WDR70: variants seen among roughly 807,000 people sequenced by gnomAD.
The protein encoded by WDR70 is WD repeat-containing protein 70.
In WDR70, 53 loss-of-function variants were observed where a neutral mutation model predicts 88.6. That is an observed-to-expected ratio of 0.60 (90% CI 0.48 to 0.75). The LOEUF (loss-of-function observed/expected upper bound fraction) is 0.75. WDR70 is among the 30% of genes least tolerant of loss of function. WDR70 has a pLI of 0.00. For missense variants in WDR70, 610 were observed against 823.2 expected, an observed-to-expected ratio of 0.74 and a Z score of 3.17; for synonymous variants, 280 against 270.0, an observed-to-expected ratio of 1.04 and a Z score of -0.36.
chr5:37,624,483 T>C (rs1744610665), intron 10 of WDR70, among the ~76,000 whole-genome samples: 1 of 152,144 alleles, frequency 6.6e-6, no homozygotes, highest in African/African-American at 2.4e-5. Context: ...CTGTTGTGAA[T>C]AGGGCAGCAG....
chr5:37,658,055 G>A lies in WDR70; in HGVS notation c.1093-39600G>A, dbSNP rs140956899. Among the ~76,000 whole-genome samples, 827 of 152,144 alleles carry A rather than the reference G, an allele frequency of 5.4e-3. 4 individuals are homozygous for A. Among genetic ancestry groups the A allele is most frequent in the Non-Finnish European group, 9.5e-3 (648 of 67,994 alleles). ...AAAGAAGTAAAGTAAGTAAAGTAAA[G>A]TAAGCTAAATGTTACTGTCATTAAG... On this transcript the variant is annotated intron_variant, in intron 10 of 17. Transcript: ENST00000265107.
intron 9 of WDR70, among the ~76,000 whole-genome samples, chr5:37,604,707 C>T (rs925531004): frequency 2.0e-5 from 3 of 152,122 alleles, no homozygotes; most frequent in Non-Finnish European, 4.4e-5. Context: ...TTACAAATAC[C>T]TGCCTATATA....
chr5:37,423,337 T>C (rs1436194111), intron 5 of WDR70, among the ~76,000 whole-genome samples: 2 of 147,670 alleles, frequency 1.4e-5, no homozygotes, highest in Non-Finnish European at 3.0e-5. Flanking sequence ...GGAGTGTTCA[T>C]GGCCAGTATA....
intron 5 of WDR70, among the ~76,000 whole-genome samples, chr5:37,428,920 G>A (rs983963076): frequency 6.6e-6 from 1 of 152,186 alleles, no homozygotes. Context: ...TGGTATTGTT[G>A]ATAATTTTAA....
chr5:37,674,314 T>C (rs1746130203), intron 10 of WDR70, among the ~76,000 whole-genome samples: 1 of 152,102 alleles, frequency 6.6e-6, no homozygotes, highest in Admixed American at 6.5e-5. Flanking sequence ...ACATGTGCCA[T>C]GCTGGTGTGC....
At chr5:37,591,085 C>T (rs531944758) in intron 9 of WDR70, among the ~76,000 whole-genome samples, 1 of 152,292 alleles carries the variant, frequency 6.6e-6, no homozygotes, top group South Asian at 2.1e-4. Context: ...CCTGTAATTG[C>T]ACTCTGGGAG....
At chr5:37,570,589 C>T (rs1742872675) in intron 9 of WDR70, among the ~76,000 whole-genome samples, 1 of 151,958 alleles carries the variant, frequency 6.6e-6, no homozygotes, top group Non-Finnish European at 1.5e-5. Context: ...AAGAAGAGTC[C>T]ACAGAGTGCT....
chr5:37,545,834 T>C (rs965084238), intron 9 of WDR70, among the ~76,000 whole-genome samples: 1 of 152,172 alleles, frequency 6.6e-6, no homozygotes, highest in Non-Finnish European at 1.5e-5. Context: ...AAGGGTGCTT[T>C]TTAGTAATTA....
chr5:37,735,419 T>A (rs1296521950), intron 17 of WDR70, among the ~76,000 whole-genome samples: 2 of 152,160 alleles, frequency 1.3e-5, no homozygotes, highest in Non-Finnish European at 2.9e-5. Context: ...CTTAGAGATC[T>A]GCAATTAACA....
chr5:37,411,641 A>C (rs972467570), intron 5 of WDR70, among the ~76,000 whole-genome samples: 2 of 152,096 alleles, frequency 1.3e-5, no homozygotes, highest in Non-Finnish European at 2.9e-5. Context: ...CATGAGAATC[A>C]CTTGAACCTG....
chr5:37,516,088 T>A (rs1740877421), intron 8 of WDR70, among the ~76,000 whole-genome samples: 1 of 152,234 alleles, frequency 6.6e-6, no homozygotes, highest in East Asian at 1.9e-4. Context: ...TCCCTTCCAA[T>A]CTCTTGCCTT....
At chr5:37,578,072 A>G (rs552166161) in intron 9 of WDR70, among the ~76,000 whole-genome samples, 1 of 152,316 alleles carries the variant, frequency 6.6e-6, no homozygotes, top group East Asian at 1.9e-4. Flanking sequence ...AAGGATGTGC[A>G]TAACTGTTGT....
chr5:37,649,001 A>C (rs1745318441), intron 10 of WDR70, among the ~76,000 whole-genome samples: 1 of 152,224 alleles, frequency 6.6e-6, no homozygotes, highest in South Asian at 2.1e-4. Flanking sequence ...AAAGCTAAAA[A>C]GTGTTAATTC....
At chr5:37,529,513 T>C (rs1741415211) in intron 9 of WDR70, among the ~76,000 whole-genome samples, 1 of 152,188 alleles carries the variant, frequency 6.6e-6, no homozygotes, top group African/African-American at 2.4e-5. Context: ...TGTTTTGTAA[T>C]TTTCCTTGTA....
intron 9 of WDR70, among the ~76,000 whole-genome samples, chr5:37,543,390 T>G (rs1741887866): frequency 6.6e-6 from 1 of 152,234 alleles, no homozygotes; most frequent in South Asian, 2.1e-4. Context: ...TTTTTTGTTC[T>G]TAGAAGATAC....
chr5:37,521,196 T>G (rs1741073903), intron 9 of WDR70, among the ~76,000 whole-genome samples: 1 of 152,244 alleles, frequency 6.6e-6, no homozygotes, highest in Non-Finnish European at 1.5e-5. Context: ...TACAGCAGCC[T>G]TTCCCAAATA....
intron 9 of WDR70, among the ~76,000 whole-genome samples, chr5:37,546,667 C>G (rs1371994508): frequency 6.6e-6 from 1 of 151,910 alleles, no homozygotes; most frequent in Admixed American, 6.6e-5. Flanking sequence ...GCCTGTAATC[C>G]CAGGACTTTG....
chr5:37,673,555 G>C (rs886335629), intron 10 of WDR70, among the ~76,000 whole-genome samples: 28 of 148,992 alleles, frequency 1.9e-4, no homozygotes, highest in Non-Finnish European at 3.0e-4. Flanking sequence ...GCAACTTCAT[G>C]AGCGCCTGCT....
chr5:37,567,087 G>A (rs1342985438), intron 9 of WDR70, among the ~76,000 whole-genome samples: 4 of 152,122 alleles, frequency 2.6e-5, no homozygotes, highest in Non-Finnish European at 5.9e-5. Context: ...CCCAGACATA[G>A]AAATCAAGAT....
Sources: gnomAD v4.1 joint callset for allele counts (sites outside exome capture counted in the v4.1 genomes callset) on GRCh38, gnomAD v4.1.1 for gene constraint, MANE v1.5 for transcripts, NCBI Gene and HGNC (gene_info 2026-07-23, HGNC 2026-07-21) for gene names.